The following KIAA0825 variants were observed in gnomAD, a reference collection of about 807,000 sequenced individuals.
KIAA0825 encodes the protein KIAA0825.
A neutral mutation model predicts 147.6 loss-of-function variants in KIAA0825; 119 were observed. That is an observed-to-expected ratio of 0.81 (90% CI 0.69 to 0.94). The LOEUF (loss-of-function observed/expected upper bound fraction) is 0.94, where lower values mean the gene tolerates loss of function less well. KIAA0825 is among the 40% of genes least tolerant of loss of function. The pLI, the probability that KIAA0825 is intolerant of heterozygous loss-of-function variation, is 0.00. For synonymous variants in KIAA0825, 470 were observed against 518.1 expected, an observed-to-expected ratio of 0.91 and a Z score of 1.26; for missense variants, 1,381 against 1,472.7, an observed-to-expected ratio of 0.94 and a Z score of 1.02.
At chr5:94,567,593 A>G (rs1678009568) in intron 2 of KIAA0825, 1 of 152,296 alleles carries the variant, frequency 6.6e-6, no homozygotes, top group African/African-American at 2.4e-5. Context: ...TTTCCTACTC[A>G]TCGGTTGATG....
chr5:94,414,909 T>A (rs1352424340), intron 15 of KIAA0825: 1 of 152,196 alleles, frequency 6.6e-6, no homozygotes, highest in Non-Finnish European at 1.5e-5. Context: ...TTGCTCCTTA[T>A]GAGAATCTAA....
At chr5:94,354,784 C>A (rs1346756947) in intron 20 of KIAA0825, among the ~76,000 whole-genome samples, 2 of 152,140 alleles carry the variant, frequency 1.3e-5, no homozygotes, top group Non-Finnish European at 2.9e-5. Context: ...AACTGTCTTA[C>A]AGTGTATAAA....
intron 20 of KIAA0825, among the ~76,000 whole-genome samples, chr5:94,289,072 C>T: frequency 6.6e-6 from 1 of 152,148 alleles, no homozygotes. Flanking sequence ...CTGTCTTTTG[C>T]AGTACCCTTT....
At chr5:94,588,928 C>A (rs1218138900) in intron 1 of KIAA0825, among the ~76,000 whole-genome samples, 1 of 152,032 alleles carries the variant, frequency 6.6e-6, no homozygotes, top group African/African-American at 2.4e-5. Flanking sequence ...GGACAGAAAA[C>A]CAAACACTGC....
intron 13 of KIAA0825, among the ~76,000 whole-genome samples, chr5:94,444,408 G>A (rs1444287219): frequency 1.3e-5 from 2 of 152,118 alleles, no homozygotes; most frequent in African/African-American, 4.8e-5. Flanking sequence ...CATAAAGGGA[G>A]CAGCGAAGTG....
intron 12 of KIAA0825, among the ~76,000 whole-genome samples, chr5:94,455,738 A>G (rs1038553737): frequency 6.6e-6 from 1 of 152,104 alleles, no homozygotes; most frequent in African/African-American, 2.4e-5. Context: ...AACAGAAATG[A>G]GAAGTTAAAG....
At chr5:94,563,514 TA>T (rs1001809805) in intron 2 of KIAA0825, among the ~76,000 whole-genome samples, 2 of 151,818 alleles carry the variant, frequency 1.3e-5, no homozygotes, top group African/African-American at 4.8e-5. Context: ...AATATAAAAC[TA>T]AAAAAAAGTT....
At chr5:94,384,684 A>C (rs1231447299) in intron 19 of KIAA0825, among the ~76,000 whole-genome samples, 1 of 152,242 alleles carries the variant, frequency 6.6e-6, no homozygotes, top group Non-Finnish European at 1.5e-5. Flanking sequence ...ATTTATAAAA[A>C]TATAAATCAA....
rs1554046494 is a variant in KIAA0825, at chr5:94,563,199, A to AAC, written c.-2+19233_-2+19234insGT. On this transcript the variant is annotated intron_variant, in intron 2 of 20. Coordinates refer to ENST00000682413, the MANE Select transcript of KIAA0825 (RefSeq NM_001145678.3). ...CACTAAAAATACCAAAAAAAACAAAAAAAAAAAAATCAGCTGGGCGTGGTG... is the reference window on the plus strand; with the variant it reads ...CACTAAAAATACCAAAAAAAACAAAAACAAAAAAAAATCAGCTGGGCGTGGTG... 2.8e-3 allele frequency among the ~76,000 whole-genome samples: 338 copies of AAC among 122,574 alleles called. 1 individual carries two copies. The highest frequency in any genetic ancestry group is 4.2e-3 in the Non-Finnish European group (230 of 54,498). The allele number at this position is 122,574 out of a possible 152,430, so 80.4% of individuals were successfully genotyped here.
At chr5:94,396,632 A>T (rs1750690292) in intron 16 of KIAA0825, 123 bp from the exon 17 acceptor site, 2 of 620,804 alleles carry the variant, frequency 3.2e-6, no homozygotes, top group Non-Finnish European at 5.1e-6. Flanking sequence ...CAAGTGCCTG[A>T]CATATTCCAA....
intron 5 of KIAA0825, among the ~76,000 whole-genome samples, chr5:94,508,964 T>A (rs1174509106): frequency 6.6e-6 from 1 of 152,208 alleles, no homozygotes; most frequent in Non-Finnish European, 1.5e-5. Context: ...ACCTCCTGAT[T>A]TAATTTTTTC....
At chr5:94,242,336 C>T (rs1042150791) in intron 20 of KIAA0825, among the ~76,000 whole-genome samples, 1 of 152,162 alleles carries the variant, frequency 6.6e-6, no homozygotes, top group Non-Finnish European at 1.5e-5. Flanking sequence ...CCACTATCAG[C>T]ATGCTTTCAT....
At chr5:94,288,676 A>C (rs569709150) in intron 20 of KIAA0825, among the ~76,000 whole-genome samples, 3 of 152,330 alleles carry the variant, frequency 2.0e-5, no homozygotes, top group African/African-American at 2.4e-5. Flanking sequence ...AATGTGAGAA[A>C]AAACTTAAAT....
chr5:94,282,684 C>T (rs945379634), intron 20 of KIAA0825, among the ~76,000 whole-genome samples: 1 of 152,030 alleles, frequency 6.6e-6, no homozygotes. Context: ...GTTTCATCCT[C>T]AAGACCAAGT....
intron 7 of KIAA0825, among the ~76,000 whole-genome samples, chr5:94,476,458 T>G (rs923872450): frequency 2.0e-5 from 3 of 152,090 alleles, no homozygotes; most frequent in Non-Finnish European, 4.4e-5. Context: ...AGAACTGAAG[T>G]CATGCAGGGA....
chr5:94,417,403 T>C (rs1213471863), intron 14 of KIAA0825, 38 bp from the exon 15 acceptor site: 2 of 1,504,430 alleles, frequency 1.3e-6, no homozygotes, highest in Admixed American at 4.1e-5. Context: ...CAAAATGATT[T>C]AGTAAGATAT....
At chr5:94,167,016 C>T (rs1768110327) in intron 20 of KIAA0825, among the ~76,000 whole-genome samples, 1 of 151,962 alleles carries the variant, frequency 6.6e-6, no homozygotes, top group African/African-American at 2.4e-5. Context: ...CATTACAAAC[C>T]AGAATATTCA....
chr5:94,327,680 A>G (rs1443606214), intron 20 of KIAA0825, among the ~76,000 whole-genome samples: 1 of 152,174 alleles, frequency 6.6e-6, no homozygotes, highest in African/African-American at 2.4e-5. Context: ...TTGGGTATAA[A>G]CTAATACTTT....
In KIAA0825 at chr5:94,151,243, C is replaced by A. The variant is rs1359287489; in HGVS notation, c.*2764G>T. On this transcript the variant is annotated 3_prime_UTR_variant, in exon 21 of 21. Transcript: ENST00000682413. ...CCATCCTGGCTAACAAGGTGAAACC[C>A]CGTCTCTACTAAAAATACAAAAAAG... 6.6e-6 allele frequency among the ~76,000 whole-genome samples: 1 copy of A among 150,544 alleles called. No homozygotes were observed. The highest frequency in any genetic ancestry group is 1.5e-5 in the Non-Finnish European group (1 of 67,686).
Sources: allele counts gnomAD v4.1 joint callset (sites outside exome capture counted in the v4.1 genomes callset), GRCh38; gene constraint gnomAD v4.1.1; transcripts MANE v1.5; gene names NCBI Gene and HGNC (gene_info 2026-07-23, HGNC 2026-07-21).